SHISA9: variants seen among roughly 807,000 people sequenced by gnomAD.
The protein encoded by SHISA9 is protein shisa-9.
In SHISA9, 13 loss-of-function variants were observed where a neutral mutation model predicts 38.0. That is an observed-to-expected ratio of 0.34 (90% CI 0.22 to 0.54). The LOEUF is 0.54. SHISA9 is among the 20% of genes least tolerant of loss of function. The pLI, the probability that SHISA9 is intolerant of heterozygous loss-of-function variation, is 0.91. For synonymous variants in SHISA9, 275 were observed against 242.0 expected (o/e 1.14, Z -1.27); for missense variants, 538 against 575.8 (o/e 0.93, Z 0.67).
At chr16:13,344,674 G>T in the SHISA9 span, among the ~76,000 whole-genome samples, 1 of 152,092 alleles carries the variant, frequency 6.6e-6, no homozygotes, top group African/African-American at 2.4e-5. Flanking sequence ...CATTTGCCAG[G>T]CATGATGATA....
the SHISA9 span, among the ~76,000 whole-genome samples, chr16:13,311,859 G>T: frequency 6.6e-6 from 1 of 152,160 alleles, no homozygotes; most frequent in Non-Finnish European, 1.5e-5. Flanking sequence ...AAACGAGATA[G>T]ATAATAATAG....
chr16:13,190,903 A>G (rs1190985465), intron 2 of SHISA9, among the ~76,000 whole-genome samples: 1 of 151,950 alleles, frequency 6.6e-6, no homozygotes, highest in African/African-American at 2.4e-5. Flanking sequence ...TTATGATTAT[A>G]TATGTGTTTT....
intron 3 of SHISA9, among the ~76,000 whole-genome samples, chr16:13,208,528 G>A (rs1440300659): frequency 2.1e-5 from 3 of 141,090 alleles, no homozygotes; most frequent in African/African-American, 5.4e-5. Flanking sequence ...CACAACCGCC[G>A]CCTCCTGGGT....
the SHISA9 span, among the ~76,000 whole-genome samples, chr16:13,428,603 A>C: frequency 6.6e-6 from 1 of 152,174 alleles, no homozygotes; most frequent in South Asian, 2.1e-4. Flanking sequence ...CTGCACACTA[A>C]GAAGAAACTT....
the SHISA9 span, among the ~76,000 whole-genome samples, chr16:13,312,734 T>C: frequency 2.0e-5 from 3 of 152,208 alleles, no homozygotes; most frequent in African/African-American, 4.8e-5. Flanking sequence ...AATCATAATA[T>C]GGAATATTAT....
At chr16:13,433,559 C>A in the SHISA9 span, among the ~76,000 whole-genome samples, 2 of 152,142 alleles carry the variant, frequency 1.3e-5, no homozygotes, top group South Asian at 2.1e-4. Flanking sequence ...GGATACAGAG[C>A]AAGTAATGGT....
At chr16:13,425,430 T>C in the SHISA9 span, among the ~76,000 whole-genome samples, 1 of 152,172 alleles carries the variant, frequency 6.6e-6, no homozygotes. Flanking sequence ...TAGATTGCAG[T>C]GAGCTGAGAT....
the SHISA9 span, among the ~76,000 whole-genome samples, chr16:13,461,222 G>C: frequency 6.6e-6 from 1 of 152,152 alleles, no homozygotes; most frequent in Admixed American, 6.5e-5. Flanking sequence ...GACTGGCTGA[G>C]GCACTGTCCT....
At chr16:13,078,478 T>C (rs1429224603) in intron 2 of SHISA9, among the ~76,000 whole-genome samples, 1 of 151,886 alleles carries the variant, frequency 6.6e-6, no homozygotes, top group Non-Finnish European at 1.5e-5. Context: ...TGATCTTGGC[T>C]CACTGCAACC....
chr16:13,482,476 A>G, the SHISA9 span, among the ~76,000 whole-genome samples: 4 of 152,210 alleles, frequency 2.6e-5, no homozygotes, highest in Non-Finnish European at 4.4e-5. Context: ...TCCATTTTAA[A>G]GAGAGGACAC....
At chr16:13,243,836 A>G (rs1053167673), downstream of SHISA9, among the ~76,000 whole-genome samples, 2 of 139,116 alleles carry the variant, frequency 1.4e-5, no homozygotes, top group Non-Finnish European at 3.0e-5. Flanking sequence ...GCAGTGGCGC[A>G]ATCTTAGTTC....
chr16:13,380,286 C>T, the SHISA9 span, among the ~76,000 whole-genome samples: 2 of 151,694 alleles, frequency 1.3e-5, no homozygotes, highest in Admixed American at 1.3e-4. Context: ...GTGCTGAGAA[C>T]AAAAAAGTGA....
intron 2 of SHISA9, among the ~76,000 whole-genome samples, chr16:12,971,201 C>T (rs1325506107): frequency 6.6e-6 from 1 of 152,212 alleles, no homozygotes; most frequent in Non-Finnish European, 1.5e-5. Context: ...AAAGGTGACA[C>T]CTGCTGCCCT....
the SHISA9 span, among the ~76,000 whole-genome samples, chr16:13,534,962 C>T: frequency 1.3e-5 from 2 of 152,014 alleles, no homozygotes; most frequent in African/African-American, 2.4e-5. Flanking sequence ...TTCTGCTTCC[C>T]GGCTGGGCAC....
At chr16:13,357,189 C>T in the SHISA9 span, among the ~76,000 whole-genome samples, 28 of 152,168 alleles carry the variant, frequency 1.8e-4, no homozygotes, top group South Asian at 3.3e-3. Context: ...CGGAAATAAG[C>T]GACTGGGGGG....
the SHISA9 span, among the ~76,000 whole-genome samples, chr16:13,484,171 C>A: frequency 1.3e-5 from 2 of 152,082 alleles, no homozygotes; most frequent in Non-Finnish European, 2.9e-5. Context: ...AGGAAAAAAA[C>A]CCATATATTT....
At chr16:13,451,921 C>G in the SHISA9 span, among the ~76,000 whole-genome samples, 1 of 152,162 alleles carries the variant, frequency 6.6e-6, no homozygotes, top group Non-Finnish European at 1.5e-5. Context: ...ATTCATTCAC[C>G]TGGCTTCAAG....
intron 2 of SHISA9, among the ~76,000 whole-genome samples, chr16:13,074,439 C>T (rs1192577382): frequency 6.6e-6 from 1 of 152,082 alleles, no homozygotes; most frequent in Non-Finnish European, 1.5e-5. Context: ...CAAGGATGAA[C>T]ATTTTTTTAA....
chr16:12,907,845 A>G (rs1186326500), intron 1 of SHISA9, among the ~76,000 whole-genome samples: 1 of 152,162 alleles, frequency 6.6e-6, no homozygotes, highest in African/African-American at 2.4e-5. Context: ...ATTGGTTGCC[A>G]CTAAGTGATG....
Sources: gnomAD v4.1 joint callset for allele counts (sites outside exome capture counted in the v4.1 genomes callset) on GRCh38, gnomAD v4.1.1 for gene constraint, MANE v1.5 for transcripts, NCBI Gene and HGNC (gene_info 2026-07-23, HGNC 2026-07-21) for gene names.